GPR141: variants seen among roughly 807,000 people sequenced by gnomAD.
GPR141 encodes probable G protein-coupled receptor 141.
In GPR141, 6 loss-of-function variants were observed where a neutral mutation model predicts 6.8. The ratio of observed to expected loss-of-function variants is 0.88; its 90% CI spans 0.48 to 1.74. GPR141 has a LOEUF of 1.74. GPR141 is among the 40% of genes most tolerant of loss of function. GPR141 has a pLI of 0.01. For missense variants in GPR141, 372 were observed against 372.9 expected, an observed-to-expected ratio of 1.00 and a Z score of 0.02; for synonymous variants, 140 against 142.3, an observed-to-expected ratio of 0.98 and a Z score of 0.11.
Position 37,742,398 on chromosome 7 carries a change from C to T in GPR141, c.*1087C>T, listed in dbSNP as rs1812609068. The stretch of plus-strand genomic sequence containing the variant: ...CTCCTAATGCTCTCCCTCCCCTAGC[C>T]CCCCACCCCTGGACAGGCCCCATTG... On this transcript the variant is annotated 3_prime_UTR_variant, in exon 3 of 3. Transcript: ENST00000334425. Among the ~76,000 whole-genome samples, 1 of 151,948 alleles carries T rather than the reference C, an allele frequency of 6.6e-6. No individual in the cohort carries two copies. Among genetic ancestry groups the T allele is most frequent in the Non-Finnish European group, 1.5e-5 (1 of 67,982 alleles).
chr7:37,709,031 AT>A (rs1205448331), intron 2 of GPR141, among the ~76,000 whole-genome samples: 1 of 152,210 alleles, frequency 6.6e-6, no homozygotes, highest in Non-Finnish European at 1.5e-5. Context: ...TATAGCACCT[AT>A]TTTGAGTGCA....
intron 2 of GPR141, among the ~76,000 whole-genome samples, chr7:37,688,736 T>G (rs949890130): frequency 2.0e-5 from 3 of 152,132 alleles, no homozygotes; most frequent in African/African-American, 7.2e-5. Context: ...GAAGGCCCAT[T>G]GAATAGAAAT....
At chr7:37,738,992 C>T (rs1348825170) in intron 2 of GPR141, among the ~76,000 whole-genome samples, 1 of 152,034 alleles carries the variant, frequency 6.6e-6, no homozygotes, top group Non-Finnish European at 1.5e-5. Context: ...AATTTTGATA[C>T]CACAGATATA....
intron 1 of GPR141, 28 bp from the exon 2 acceptor site, chr7:37,685,432 C>CTT (rs1467745724): frequency 5.6e-5 from 8 of 142,608 alleles, no homozygotes; most frequent in Non-Finnish European, 9.2e-5. Context: ...CTCCATCTCT[C>CTT]TCTCTCTTTC....
At chr7:37,738,311 G>A (rs1368478272) in intron 2 of GPR141, among the ~76,000 whole-genome samples, 1 of 152,216 alleles carries the variant, frequency 6.6e-6, no homozygotes, top group African/African-American at 2.4e-5. Flanking sequence ...CTTGGGACAA[G>A]TGATGTGCTA....
chr7:37,718,511 CGAAGGAAGGAAGAAAGGAAG>C (rs1486415699), intron 2 of GPR141, among the ~76,000 whole-genome samples: 44 of 87,316 alleles, frequency 5.0e-4, no homozygotes, highest in South Asian at 2.0e-3. Context: ...GACTCTGTCT[CGAAGGAAGGAAGAAAGGAAG>C]GAAGGAAGGA....
Position 37,740,558 on chromosome 7 carries a change from CATT to C in GPR141, c.167_169del (p.Ile56del). On this transcript the variant is annotated inframe_deletion, in exon 3 of 3. Transcript: ENST00000334425. ...CCCGGTCAGTGACCACCATGGCGGT[CATT>C]AACTTGGTGGTGGTCCACAGCGTTT... is the stretch of plus-strand genomic sequence containing the variant. 2 of 1,614,138 alleles carry C rather than the reference CATT, an allele frequency of 1.2e-6. No individual in the cohort carries two copies. The highest frequency in any genetic ancestry group is 1.7e-6 in the Non-Finnish European group (2 of 1,180,008).
At chr7:37,714,066 C>T (rs1810934393) in intron 2 of GPR141, among the ~76,000 whole-genome samples, 2 of 151,684 alleles carry the variant, frequency 1.3e-5, no homozygotes, top group African/African-American at 4.8e-5. Flanking sequence ...CGTCCTCTTA[C>T]CCATATACTT....
intron 2 of GPR141, among the ~76,000 whole-genome samples, chr7:37,686,127 T>C (rs969322457): frequency 1.3e-5 from 2 of 151,014 alleles, no homozygotes; most frequent in African/African-American, 4.9e-5. Context: ...GCCTTCCGAA[T>C]AGCTGGGAGT....
chr7:37,740,532 A>G lies in GPR141; in HGVS notation c.139A>G (p.Thr47Ala), dbSNP rs774302831. 4 of 1,613,930 alleles carry G rather than the reference A, an allele frequency of 2.5e-6. No homozygotes were observed. Among genetic ancestry groups the G allele is most frequent in the Non-Finnish European group, 3.4e-6 (4 of 1,179,984 alleles). The stretch of plus-strand genomic sequence containing the variant: ...TCTTTTCCTCCTGGTGAAAATGAAC[A>G]CCCGGTCAGTGACCACCATGGCGGT... ...SILFLLVKMN[T>A]RSVTTMAVIN... is the part of the protein sequence containing the mutation. Residue 47 changes from threonine (T) to alanine (A), a missense_variant, in exon 3 of 3, where the codon ACC becomes GCC. Coordinates refer to ENST00000334425, the MANE Select transcript of GPR141 (RefSeq NM_001381946.1).
chr7:37,713,905 A>G (rs1810924704), intron 2 of GPR141, among the ~76,000 whole-genome samples: 2 of 152,244 alleles, frequency 1.3e-5, no homozygotes, highest in Non-Finnish European at 2.9e-5. Flanking sequence ...AGCAATCCCC[A>G]TTATGTAAAC....
intron 2 of GPR141, among the ~76,000 whole-genome samples, chr7:37,696,176 C>A (rs1319440584): frequency 2.0e-5 from 3 of 152,118 alleles, no homozygotes; most frequent in Admixed American, 6.6e-5. Context: ...GCTTAAAAAT[C>A]ATTTATAATA....
chr7:37,733,680 A>G (rs1812093541), intron 2 of GPR141, among the ~76,000 whole-genome samples: 1 of 150,776 alleles, frequency 6.6e-6, no homozygotes, highest in Non-Finnish European at 1.5e-5. Context: ...TCAAAAAAAA[A>G]AAAAAAAAGA....
chr7:37,738,450 T>C (rs1465319663), intron 2 of GPR141, among the ~76,000 whole-genome samples: 1 of 152,186 alleles, frequency 6.6e-6, no homozygotes, highest in African/African-American at 2.4e-5. Flanking sequence ...TCATGTCTCC[T>C]TGATAAAACT....
At chr7:37,696,643 G>A (rs1583525997) in intron 2 of GPR141, among the ~76,000 whole-genome samples, 1 of 151,500 alleles carries the variant, frequency 6.6e-6, no homozygotes, top group East Asian at 1.9e-4. Flanking sequence ...CACTCATATA[G>A]CACATCTATG....
At chr7:37,702,354 G>T (rs1446754497) in intron 2 of GPR141, among the ~76,000 whole-genome samples, 9 of 149,870 alleles carry the variant, frequency 6.0e-5, no homozygotes, top group African/African-American at 2.2e-4. Flanking sequence ...CCTCCCTTCT[G>T]TCTTTTTTTC....
Position 37,738,205 on chromosome 7 carries a change from C to T in GPR141, c.-14-2175C>T, listed in dbSNP as rs73346212. Among the ~76,000 whole-genome samples the T allele has an allele frequency of 2.8e-3, 431 of 152,260 alleles. 2 individuals are homozygous for T. The highest frequency in any genetic ancestry group is 9.8e-3 in the African/African-American group (409 of 41,550). Reference sequence around the variant, plus strand: ...GTTGTAAGGGTTAAATTAAATAAGACAAAGTACAGGCAAGGATGTAGTGTA... The same window carrying T: ...GTTGTAAGGGTTAAATTAAATAAGATAAAGTACAGGCAAGGATGTAGTGTA... On this transcript the variant is annotated intron_variant, in intron 2 of 2. Transcript: ENST00000334425.
At chr7:37,718,186 A>G (rs149858076) in intron 2 of GPR141, among the ~76,000 whole-genome samples, 178 of 152,220 alleles carry the variant, frequency 1.2e-3, no homozygotes, top group Admixed American at 3.2e-3. Flanking sequence ...AAAATGGTCA[A>G]TTCATATGCG....
At chr7:37,726,934 G>T (rs1014548063) in intron 2 of GPR141, among the ~76,000 whole-genome samples, 2 of 152,198 alleles carry the variant, frequency 1.3e-5, no homozygotes, top group African/African-American at 4.8e-5. Context: ...GAGAAAAAGA[G>T]GAATTAGGGA....
Sources: gnomAD v4.1 joint callset for allele counts (sites outside exome capture counted in the v4.1 genomes callset) on GRCh38, gnomAD v4.1.1 for gene constraint, MANE v1.5 for transcripts, NCBI Gene and HGNC (gene_info 2026-07-23, HGNC 2026-07-21) for gene names.